The following NREP variants were observed in gnomAD, a reference collection of about 807,000 sequenced individuals.
NREP encodes neuronal regeneration-related protein.
Under a neutral mutation model 8.6 loss-of-function variants are expected in NREP, and 5 were observed. The observed-to-expected ratio is 0.58, with a 90% CI of 0.30 to 1.22. NREP has a LOEUF of 1.22. Ranked by LOEUF, NREP falls within the 50% of genes most tolerant of loss-of-function variation. NREP has a pLI of 0.07. For missense variants in NREP, 86 were observed against 82.5 expected (o/e 1.04, Z -0.17); for synonymous variants, 27 against 28.0 (o/e 0.96, Z 0.11).
At chr5:111,832,552 C>G (rs1417725312) in intron 2 of NREP, among the ~76,000 whole-genome samples, 7 of 152,004 alleles carry the variant, frequency 4.6e-5, no homozygotes, top group Non-Finnish European at 1.5e-5. Flanking sequence ...AAACAAAAGA[C>G]CATCCTGGAG....
At chr5:111,805,750 T>C (rs964012801) in intron 2 of NREP, among the ~76,000 whole-genome samples, 2 of 137,952 alleles carry the variant, frequency 1.4e-5, no homozygotes, top group African/African-American at 5.4e-5. Context: ...ATATGTTTAC[T>C]ACACAGAGAT....
chr5:111,940,965 G>C (rs577650910), intron 2 of NREP, among the ~76,000 whole-genome samples: 1 of 152,186 alleles, frequency 6.6e-6, no homozygotes, highest in Non-Finnish European at 1.5e-5. Context: ...TCTTCAATAA[G>C]TCTTCAGTAA....
chr5:111,887,925 G>A (rs1000661677), intron 2 of NREP, among the ~76,000 whole-genome samples: 9 of 152,102 alleles, frequency 5.9e-5, no homozygotes, highest in African/African-American at 2.2e-4. Context: ...TATTCCCAGA[G>A]GTACCTTGTT....
At chr5:111,751,183 C>A (rs1299054832) in intron 2 of NREP, among the ~76,000 whole-genome samples, 1 of 152,098 alleles carries the variant, frequency 6.6e-6, no homozygotes, top group African/African-American at 2.4e-5. Context: ...GTTTATAAAA[C>A]CTTCTGGGGC....
chr5:111,752,379 CTG>C (rs1185022491), intron 2 of NREP, among the ~76,000 whole-genome samples: 1 of 152,162 alleles, frequency 6.6e-6, no homozygotes, highest in South Asian at 2.1e-4. Context: ...TCACTGGAAA[CTG>C]TGGTGAAAAA....
rs115549952 is a variant in NREP, at chr5:111,755,873, C to G, written c.-58-43G>C. 4.8e-5 allele frequency: 77 copies of G among 1,606,458 alleles called. No individual in the cohort carries two copies. In the African/African-American group the frequency reaches 9.9e-4, roughly 21 times the overall value. On this transcript the variant is annotated intron_variant, in intron 1 of 3. Coordinates refer to ENST00000257435, the MANE Select transcript of NREP (RefSeq NM_004772.4). ...ATACAGTAGACACATCGCCTCACCA[C>G]AGGTCAGCAAACGAAAAATGCCTCT...
chr5:111,955,423 A>G (rs532200632), intron 2 of NREP, among the ~76,000 whole-genome samples: 1 of 151,338 alleles, frequency 6.6e-6, no homozygotes, highest in South Asian at 2.1e-4. Context: ...TAGGTGTTAG[A>G]TGTGAACAAC....
intron 2 of NREP, among the ~76,000 whole-genome samples, chr5:111,866,447 A>T (rs1331783114): frequency 6.6e-6 from 1 of 152,206 alleles, no homozygotes. Flanking sequence ...TCACAATGAG[A>T]TACCATCTCA....
chr5:111,748,936 A>C (rs1750184808), intron 2 of NREP, among the ~76,000 whole-genome samples: 1 of 152,194 alleles, frequency 6.6e-6, no homozygotes, highest in South Asian at 2.1e-4. Flanking sequence ...GGAACATAAG[A>C]AGATTCCTGC....
intron 2 of NREP, among the ~76,000 whole-genome samples, chr5:111,823,263 A>T (rs146496108): frequency 6.6e-6 from 1 of 152,206 alleles, no homozygotes; most frequent in Admixed American, 6.5e-5. Flanking sequence ...ATACAACCCC[A>T]TGACCCAAAC....
intron 3 of NREP, 69 bp downstream of exon 3, chr5:111,735,361 T>G (rs1749005624): frequency 2.8e-6 from 3 of 1,085,370 alleles, no homozygotes; most frequent in Non-Finnish European, 4.2e-6. Context: ...ATGAAAAAGC[T>G]CTGATATTTT....
At chr5:111,753,647 T>C (rs1298691382) in intron 2 of NREP, among the ~76,000 whole-genome samples, 6 of 152,008 alleles carry the variant, frequency 3.9e-5, no homozygotes, top group Admixed American at 2.6e-4. Context: ...TTAAATTATG[T>C]AACTGGAAAT....
intron 2 of NREP, chr5:111,940,078 G>C (rs1755789637): frequency 6.6e-6 from 1 of 151,940 alleles, no homozygotes; most frequent in Admixed American, 6.6e-5. Context: ...ATCCCAATCT[G>C]AATTACTGCA....
At chr5:111,795,566 T>C (rs1199189458) in intron 2 of NREP, among the ~76,000 whole-genome samples, 1 of 152,248 alleles carries the variant, frequency 6.6e-6, no homozygotes, top group African/African-American at 2.4e-5. Context: ...CTAAACTATA[T>C]GAGAGATAAA....
intron 2 of NREP, among the ~76,000 whole-genome samples, chr5:111,828,196 A>C (rs1752673634): frequency 6.6e-6 from 1 of 152,004 alleles, no homozygotes; most frequent in Non-Finnish European, 1.5e-5. Flanking sequence ...ATGCCCAGCT[A>C]ATTTTATATT....
chr5:111,833,649 T>C (rs1752827059), intron 2 of NREP, among the ~76,000 whole-genome samples: 1 of 152,152 alleles, frequency 6.6e-6, no homozygotes, highest in African/African-American at 2.4e-5. Flanking sequence ...CATCCTATTG[T>C]TTGAAGTTCT....
At chr5:111,807,637 G>T (rs1752171131) in intron 2 of NREP, among the ~76,000 whole-genome samples, 1 of 151,992 alleles carries the variant, frequency 6.6e-6, no homozygotes, top group South Asian at 2.1e-4. Flanking sequence ...GTAGTTGCTT[G>T]CTTAGAAACC....
At chr5:111,936,879 CA>C (rs1464742745) in intron 2 of NREP, among the ~76,000 whole-genome samples, 1 of 152,042 alleles carries the variant, frequency 6.6e-6, no homozygotes, top group Non-Finnish European at 1.5e-5. Flanking sequence ...TTGTCTAACA[CA>C]AGGTGCTATT....
intron 2 of NREP, among the ~76,000 whole-genome samples, chr5:111,955,996 T>A (rs968709382): frequency 2.0e-5 from 3 of 151,940 alleles, no homozygotes; most frequent in Non-Finnish European, 4.4e-5. Context: ...TAGTTTCCCA[T>A]GTAATTCCAA....
Sources: allele counts gnomAD v4.1 joint callset (sites outside exome capture counted in the v4.1 genomes callset), GRCh38; gene constraint gnomAD v4.1.1; transcripts MANE v1.5; gene names NCBI Gene and HGNC (gene_info 2026-07-23, HGNC 2026-07-21).